DOCK2: variants seen among roughly 807,000 people sequenced by gnomAD.
The protein encoded by DOCK2 is dedicator of cytokinesis 2.
A neutral mutation model predicts 248.9 loss-of-function variants in DOCK2; 87 were observed. That is an observed-to-expected ratio of 0.35 (90% CI 0.29 to 0.42). DOCK2 has a LOEUF of 0.42. Among genes scored for constraint, DOCK2 ranks in the 10% least tolerant of loss-of-function variants. DOCK2 has a pLI of 1.00. For missense variants in DOCK2, 1,747 were observed against 2,300.2 expected, an observed-to-expected ratio of 0.76 and a Z score of 4.92; for synonymous variants, 805 against 821.6, an observed-to-expected ratio of 0.98 and a Z score of 0.35.
chr5:169,785,220 G>A (rs567931685), intron 25 of DOCK2, among the ~76,000 whole-genome samples: 2 of 152,222 alleles, frequency 1.3e-5, no homozygotes, highest in South Asian at 2.1e-4. Flanking sequence ...TATATTTTAC[G>A]TTATAAACAG....
chr5:169,682,673 AT>A (rs35175593), intron 7 of DOCK2, among the ~76,000 whole-genome samples: 50,457 of 152,062 alleles, frequency 0.33, 8,554 homozygotes, highest in Middle Eastern at 0.47. Flanking sequence ...TTAAGATATA[AT>A]TTTCATATAG....
At chr5:169,957,160 G>A (rs1173184470) in intron 27 of DOCK2, among the ~76,000 whole-genome samples, 7 of 152,264 alleles carry the variant, frequency 4.6e-5, no homozygotes, top group South Asian at 4.1e-4. Context: ...GCTTCTCATT[G>A]CCTGGTATGG....
intron 25 of DOCK2, among the ~76,000 whole-genome samples, chr5:169,775,144 A>G (rs942898987): frequency 3.9e-5 from 6 of 152,212 alleles, no homozygotes; most frequent in African/African-American, 1.4e-4. Flanking sequence ...TTCTGACCTC[A>G]GGTGATCTGC....
intron 27 of DOCK2, among the ~76,000 whole-genome samples, chr5:169,908,999 C>G (rs1774447519): frequency 6.6e-6 from 1 of 152,182 alleles, no homozygotes; most frequent in African/African-American, 2.4e-5. Flanking sequence ...GAGCCACTGT[C>G]TGGTGCTATT....
intron 27 of DOCK2, among the ~76,000 whole-genome samples, chr5:169,937,467 G>A (rs1213669007): frequency 6.6e-6 from 1 of 152,190 alleles, no homozygotes; most frequent in Non-Finnish European, 1.5e-5. Flanking sequence ...GTAAGATGCT[G>A]CACGCTTATC....
chr5:169,745,886 G>C (rs537548713), intron 22 of DOCK2, among the ~76,000 whole-genome samples: 8 of 152,314 alleles, frequency 5.3e-5, no homozygotes, highest in African/African-American at 1.9e-4. Flanking sequence ...GGAGTGAGCT[G>C]TGTAAAAGCC....
At chr5:169,784,060 G>A (rs910270702) in intron 25 of DOCK2, among the ~76,000 whole-genome samples, 3 of 152,188 alleles carry the variant, frequency 2.0e-5, no homozygotes, top group African/African-American at 7.2e-5. Flanking sequence ...AAAGTCCAGG[G>A]ATGTGCAGGT....
intron 27 of DOCK2, among the ~76,000 whole-genome samples, chr5:169,949,091 TAA>T (rs1016280292): frequency 3.3e-5 from 5 of 152,244 alleles, no homozygotes; most frequent in Non-Finnish European, 7.3e-5. Context: ...AGCATGTGGA[TAA>T]AAGTGTATAG....
intron 47 of DOCK2, among the ~76,000 whole-genome samples, chr5:170,076,426 A>G (rs1009622706): frequency 1.3e-5 from 2 of 152,222 alleles, no homozygotes; most frequent in Non-Finnish European, 2.9e-5. Context: ...CCTCACCACA[A>G]GCCTGAGAGG....
At chr5:169,886,701 A>C (rs1772990744) in intron 27 of DOCK2, among the ~76,000 whole-genome samples, 1 of 152,242 alleles carries the variant, frequency 6.6e-6, no homozygotes, top group Admixed American at 6.5e-5. Flanking sequence ...GCATGCTTAA[A>C]AACATGCAGT....
At chr5:169,934,811 T>A (rs868488198) in intron 27 of DOCK2, 1 of 438,330 alleles carries the variant, frequency 2.3e-6, no homozygotes, top group Non-Finnish European at 4.6e-6. Flanking sequence ...ATCTGTATGA[T>A]AAATTGATTG....
At chr5:169,981,874 A>C (rs1581502802) in intron 27 of DOCK2, among the ~76,000 whole-genome samples, 1 of 152,336 alleles carries the variant, frequency 6.6e-6, no homozygotes, top group East Asian at 1.9e-4. Context: ...GAGTGTTAAC[A>C]TAACTTTTAT....
At chr5:170,051,628 C>T (rs1756918979) in intron 41 of DOCK2, among the ~76,000 whole-genome samples, 1 of 152,178 alleles carries the variant, frequency 6.6e-6, no homozygotes, top group South Asian at 2.1e-4. Flanking sequence ...TTGCCATTAT[C>T]TCTGGTGCTT....
chr5:169,887,469 C>T (rs1773038593), intron 27 of DOCK2, among the ~76,000 whole-genome samples: 1 of 152,138 alleles, frequency 6.6e-6, no homozygotes, highest in Non-Finnish European at 1.5e-5. Context: ...AATGCTTGCA[C>T]AGAAATTGCA....
At chr5:169,776,074 G>A (rs1032584189) in intron 25 of DOCK2, among the ~76,000 whole-genome samples, 1 of 151,054 alleles carries the variant, frequency 6.6e-6, no homozygotes, top group African/African-American at 2.4e-5. Context: ...ATGATCTCAC[G>A]ATTTAGAGGA....
At chr5:170,005,672 G>T (rs1038749037) in intron 30 of DOCK2, among the ~76,000 whole-genome samples, 2 of 152,040 alleles carry the variant, frequency 1.3e-5, no homozygotes, top group African/African-American at 4.8e-5. Flanking sequence ...TGAACCCCTT[G>T]TGAATATACT....
chr5:169,829,525 G>GATT (rs1314559435), intron 26 of DOCK2, among the ~76,000 whole-genome samples: 1 of 152,118 alleles, frequency 6.6e-6, no homozygotes, highest in Non-Finnish European at 1.5e-5. Flanking sequence ...ATTGCTGCAG[G>GATT]GCCATTTGTT....
chr5:170,012,686 C>A (rs141340194), intron 32 of DOCK2, among the ~76,000 whole-genome samples: 1 of 152,134 alleles, frequency 6.6e-6, no homozygotes, highest in Non-Finnish European at 1.5e-5. Context: ...TTTTGGATCC[C>A]GGGCGGACGC....
Sources: allele counts gnomAD v4.1 joint callset (sites outside exome capture counted in the v4.1 genomes callset), GRCh38; gene constraint gnomAD v4.1.1; transcripts MANE v1.5; gene names NCBI Gene and HGNC (gene_info 2026-07-23, HGNC 2026-07-21).